Variants in PRDM5 observed in about 807,000 individuals in gnomAD.
The protein encoded by PRDM5 is PR/SET domain 5.
In PRDM5, 56 loss-of-function variants were observed where a neutral mutation model predicts 81.2. That is an observed-to-expected ratio of 0.69 (90% confidence interval 0.56 to 0.86). PRDM5 has a LOEUF of 0.86. Ranked by LOEUF, PRDM5 falls within the 40% of genes least tolerant of loss-of-function variation. PRDM5 has a pLI of 0.00. For missense variants in PRDM5, 697 were observed against 770.1 expected (o/e 0.91, Z 1.12); for synonymous variants, 267 against 256.4 (o/e 1.04, Z -0.39).
At chr4:120,702,785 G>A (rs1417423824) in intron 15 of PRDM5, among the ~76,000 whole-genome samples, 4 of 152,240 alleles carry the variant, frequency 2.6e-5, no homozygotes, top group Admixed American at 6.5e-5. Context: ...AAAGAAGATC[G>A]ATTTAACATT....
intron 2 of PRDM5, among the ~76,000 whole-genome samples, chr4:120,876,713 T>C (rs950305917): frequency 7.2e-5 from 11 of 152,204 alleles, no homozygotes; most frequent in Non-Finnish European, 1.5e-5. Flanking sequence ...TTACCAGAGA[T>C]ACATTTGATG....
chr4:120,898,114 C>T (rs149739393), intron 2 of PRDM5, among the ~76,000 whole-genome samples: 1 of 152,266 alleles, frequency 6.6e-6, no homozygotes, highest in Non-Finnish European at 1.5e-5. Context: ...AACTGTTCAC[C>T]TTAAACGCAT....
At chr4:120,760,747 A>C (rs940819427) in intron 13 of PRDM5, among the ~76,000 whole-genome samples, 5 of 151,422 alleles carry the variant, frequency 3.3e-5, no homozygotes, top group African/African-American at 1.2e-4. Flanking sequence ...CATTAAATAG[A>C]CTTTTTTTTT....
intron 14 of PRDM5, among the ~76,000 whole-genome samples, chr4:120,744,094 T>C (rs1403318022): frequency 1.3e-5 from 2 of 152,154 alleles, no homozygotes; most frequent in Non-Finnish European, 2.9e-5. Context: ...CAGACCACAG[T>C]GCAATCAAAC....
intron 2 of PRDM5, among the ~76,000 whole-genome samples, chr4:120,888,276 C>G (rs1438047876): frequency 6.6e-6 from 1 of 152,158 alleles, no homozygotes; most frequent in Admixed American, 6.5e-5. Context: ...TACTTCTAAT[C>G]ACTACCCTCA....
intron 2 of PRDM5, among the ~76,000 whole-genome samples, chr4:120,881,191 A>G (rs1042589269): frequency 5.3e-5 from 8 of 152,206 alleles, no homozygotes; most frequent in Non-Finnish European, 1.0e-4. Context: ...GTGAGAAAAC[A>G]CAAATCACAC....
chr4:120,868,942 A>G (rs1327712930), intron 2 of PRDM5, among the ~76,000 whole-genome samples: 1 of 152,190 alleles, frequency 6.6e-6, no homozygotes, highest in Non-Finnish European at 1.5e-5. Flanking sequence ...GCAAATTGGA[A>G]ACAACTTGCA....
At chr4:120,729,243 C>A (rs1426196729) in intron 14 of PRDM5, among the ~76,000 whole-genome samples, 1 of 152,126 alleles carries the variant, frequency 6.6e-6, no homozygotes, top group Non-Finnish European at 1.5e-5. Flanking sequence ...ATAAAGAAAT[C>A]AAAGAATAAC....
chr4:120,871,320 A>G (rs1215338659), intron 2 of PRDM5, among the ~76,000 whole-genome samples: 1 of 152,204 alleles, frequency 6.6e-6, no homozygotes, highest in African/African-American at 2.4e-5. Context: ...GTTGAGCCCT[A>G]GTTCCCTCAC....
intron 8 of PRDM5, among the ~76,000 whole-genome samples, chr4:120,809,405 T>C (rs1183941393): frequency 6.9e-6 from 1 of 143,986 alleles, no homozygotes; most frequent in Non-Finnish European, 1.6e-5. Flanking sequence ...AAAAATACTT[T>C]TAAAAAAAAC....
In PRDM5 at chr4:120,692,409, A is replaced by G. The variant is rs911360835; in HGVS notation, c.*2702T>C. The G allele has an allele frequency of 6.6e-6, 1 of 152,010 alleles. No homozygotes were observed. Among genetic ancestry groups the G allele is most frequent in the Non-Finnish European group, 1.5e-5 (1 of 67,942 alleles). 9.4% of individuals were successfully genotyped at this position (152,010 alleles called of 1,614,324 possible). A position where few individuals can be genotyped will look rare whatever the true frequency, so the allele number is the denominator to read the frequency against. On this transcript the variant is annotated 3_prime_UTR_variant, in exon 16 of 16. Coordinates refer to ENST00000264808, the MANE Select transcript of PRDM5 (RefSeq NM_018699.4). ...GTTTCTTGAAAATAACATGTTAACT[A>G]TACTATGTAACCCCAAGAATTTATC...
In PRDM5 at chr4:120,866,600, C is replaced by T. The variant is rs145213660; in HGVS notation, c.178-13060G>A. 5.0e-4 allele frequency among the ~76,000 whole-genome samples: 76 copies of T among 152,224 alleles called. No individual in the cohort carries two copies. In the East Asian group the frequency reaches 0.013, roughly 26 times the overall value. The stretch of plus-strand genomic sequence containing the variant: ...ATATTAAGCACGTTTAACAGATGAG[C>T]GAACTGAAGCAGAAACAGAAATGAA... On this transcript the variant is annotated intron_variant, in intron 2 of 15. Transcript: ENST00000264808.
At chr4:120,822,805 T>G (rs76706133) in intron 3 of PRDM5, among the ~76,000 whole-genome samples, 1 of 152,302 alleles carries the variant, frequency 6.6e-6, no homozygotes, top group African/African-American at 2.4e-5. Context: ...GATTCAAAAG[T>G]TCAAAGCACT....
Position 120,741,580 on chromosome 4 carries a change from CGA to C in PRDM5, c.1623+12971_1623+12972del, listed in dbSNP as rs201397060. ...GGTCAGTGGGTGCGCGCACTGTGCA[CGA>C]GCCGAAGCAGGGCCAGGCATTGCCT... On this transcript the variant is annotated intron_variant, in intron 14 of 15. Transcript: ENST00000264808. 6.7e-4 allele frequency among the ~76,000 whole-genome samples: 102 copies of C among 151,988 alleles called. 2 individuals are homozygous for C. In the East Asian group the frequency reaches 0.018, roughly 27 times the overall value.
At chr4:120,704,551 T>C (rs1560909893) in intron 15 of PRDM5, among the ~76,000 whole-genome samples, 1 of 152,238 alleles carries the variant, frequency 6.6e-6, no homozygotes, top group Admixed American at 6.5e-5. Context: ...ACCTAAATTC[T>C]AGATAAGTAT....
rs139720338 is a variant in PRDM5, at chr4:120,717,634, T to C, written c.1624-7221A>G. ...TAGAAATTGATTAGAAGCTTTCTTT[T>C]AGTTGAGCTAAGAATTCCTGACTAA... is the stretch of plus-strand genomic sequence containing the variant. On this transcript the variant is annotated intron_variant, in intron 14 of 15. Coordinates refer to ENST00000264808, the MANE Select transcript of PRDM5 (RefSeq NM_018699.4). Among the ~76,000 whole-genome samples the C allele has an allele frequency of 2.4e-4, 37 of 152,336 alleles. No homozygotes were observed. In the East Asian group the frequency reaches 2.5e-3, roughly 10 times the overall value.
At chr4:120,819,499 A>T (rs1275582551) in intron 4 of PRDM5, among the ~76,000 whole-genome samples, 6 of 152,098 alleles carry the variant, frequency 3.9e-5, no homozygotes, top group African/African-American at 1.2e-4. Flanking sequence ...GTGCACATGT[A>T]CCCTAAAACT....
At chr4:120,736,199 T>TTGTGTGTGTGTG (rs57073985) in intron 14 of PRDM5, among the ~76,000 whole-genome samples, 2 of 145,138 alleles carry the variant, frequency 1.4e-5, no homozygotes, top group African/African-American at 2.6e-5. Context: ...TACTATCCTT[T>TTGTGTGTGTGTG]TGTGTGTGTG....
At chr4:120,739,067 C>G (rs1263415159) in intron 14 of PRDM5, among the ~76,000 whole-genome samples, 1 of 152,202 alleles carries the variant, frequency 6.6e-6, no homozygotes, top group Non-Finnish European at 1.5e-5. Flanking sequence ...ATGGCTTACT[C>G]AGATGGCTGG....
Sources: allele counts gnomAD v4.1 joint callset (sites outside exome capture counted in the v4.1 genomes callset), GRCh38; gene constraint gnomAD v4.1.1; transcripts MANE v1.5; gene names NCBI Gene and HGNC (gene_info 2026-07-23, HGNC 2026-07-21).